Variants in RASSF3 observed in about 807,000 individuals in gnomAD.
RASSF3 encodes ras association domain-containing protein 3.
In RASSF3, 19 loss-of-function variants were observed where a neutral mutation model predicts 19.9. The observed-to-expected ratio is 0.96, with a 90% CI of 0.67 to 1.40. The LOEUF (loss-of-function observed/expected upper bound fraction) is 1.40. RASSF3 is among the 40% of genes most tolerant of loss of function. The pLI is 0.00. For missense variants in RASSF3, 306 were observed against 289.8 expected, an observed-to-expected ratio of 1.06 and a Z score of -0.41; for synonymous variants, 110 against 104.2, an observed-to-expected ratio of 1.06 and a Z score of -0.34.
intron 1 of RASSF3, among the ~76,000 whole-genome samples, chr12:64,541,326 G>T (rs2136114876): frequency 1.3e-5 from 2 of 152,244 alleles, no homozygotes; most frequent in Non-Finnish European, 2.9e-5. Flanking sequence ...GAAAAAAAAT[G>T]TATCGTAGCC....
At chr12:64,563,735 C>T (rs767934420) in intron 2 of RASSF3, among the ~76,000 whole-genome samples, 4 of 152,204 alleles carry the variant, frequency 2.6e-5, no homozygotes, top group Non-Finnish European at 4.4e-5. Context: ...CCCACATCCT[C>T]TCTCAACTGG....
intron 1 of RASSF3, among the ~76,000 whole-genome samples, chr12:64,673,080 A>G (rs1872757138): frequency 6.6e-6 from 1 of 152,096 alleles, no homozygotes; most frequent in South Asian, 2.1e-4. Context: ...TGTCCTTATC[A>G]CTGAGGTTCA....
chr12:64,637,062 A>C (rs1239938495), intron 1 of RASSF3, among the ~76,000 whole-genome samples: 1 of 152,156 alleles, frequency 6.6e-6, no homozygotes, highest in South Asian at 2.1e-4. Context: ...AATATGATGC[A>C]ATTTGCAAAC....
rs111991087 is a variant in RASSF3 at position 64,677,116 on chromosome 12, T to C, written c.112-7671T>C. On this transcript the variant is annotated intron_variant, in intron 1 of 4. Transcript: ENST00000542104. ...TGTTTCACATCGTTTTATGTGGGGT[T>C]TTTCCTTCCTCATTCTTCATTTACA... 3.7e-3 allele frequency among the ~76,000 whole-genome samples: 558 copies of C among 152,198 alleles called. 4 individuals carry two copies. Among genetic ancestry groups the C allele is most frequent in the African/African-American group, 0.013 (527 of 41,526 alleles).
intron 1 of RASSF3, among the ~76,000 whole-genome samples, chr12:64,618,765 A>C (rs1870639806): frequency 6.6e-6 from 1 of 152,218 alleles, no homozygotes; most frequent in East Asian, 1.9e-4. Context: ...ATATTCTGAG[A>C]TAGAAGTGAC....
At chr12:64,588,793 C>T (rs755899001) in intron 2 of RASSF3, among the ~76,000 whole-genome samples, 3 of 151,862 alleles carry the variant, frequency 2.0e-5, no homozygotes, top group East Asian at 1.9e-4. Context: ...AGCATTTCTC[C>T]GTGGTTTTAA....
At chr12:64,576,277 G>C (rs941321349) in intron 2 of RASSF3, among the ~76,000 whole-genome samples, 11 of 152,120 alleles carry the variant, frequency 7.2e-5, no homozygotes, top group African/African-American at 2.4e-4. Context: ...TGACAAACGT[G>C]GTGCCCTTGA....
intron 1 of RASSF3, among the ~76,000 whole-genome samples, chr12:64,661,677 C>CTTTTTTTTTTTTTTTTT (rs71092993): frequency 2.5e-5 from 2 of 79,002 alleles, no homozygotes; most frequent in Non-Finnish European, 4.8e-5. Flanking sequence ...TTTTCTTTTT[C>CTTTTTTTTTTTTTTTTT]TTTTTTTTTT....
Position 64,694,904 on chromosome 12 carries a change from C to G in RASSF3, c.709C>G (p.Pro237Ala). 6.2e-7 allele frequency: 1 copy of G among 1,613,988 alleles called. No homozygotes were observed. Among genetic ancestry groups the G allele is most frequent in the Non-Finnish European group, 8.5e-7 (1 of 1,179,976 alleles). Residue 237 changes from proline (P) to alanine (A), a missense_variant, in exon 5 of 5, where the codon CCT becomes GCT. Transcript: ENST00000542104. ...LEEALREVWK[P>A]D ...AGAAGCCCTCCGTGAGGTGTGGAAGCCTGATTAAAGCGGGGCTCCCTGCCC... is the reference window on the plus strand; with the variant it reads ...AGAAGCCCTCCGTGAGGTGTGGAAGGCTGATTAAAGCGGGGCTCCCTGCCC...
chr12:64,514,929 A>G (rs1350311924), intron 1 of RASSF3, among the ~76,000 whole-genome samples: 1 of 151,604 alleles, frequency 6.6e-6, no homozygotes, highest in Non-Finnish European at 1.5e-5. Context: ...TAGTTATTGT[A>G]TTTTTTTTAA....
intron 1 of RASSF3, among the ~76,000 whole-genome samples, chr12:64,647,797 A>G (rs1565860279): frequency 1.3e-5 from 2 of 152,002 alleles, no homozygotes; most frequent in East Asian, 1.9e-4. Flanking sequence ...CAGTCCTCCC[A>G]TCTCAGCCTC....
intron 2 of RASSF3, among the ~76,000 whole-genome samples, chr12:64,603,742 C>A (rs571731668): frequency 6.6e-6 from 1 of 152,224 alleles, no homozygotes; most frequent in Admixed American, 6.5e-5. Context: ...GATTTTATTA[C>A]CCTCCCTTTC....
downstream of RASSF3, among the ~76,000 whole-genome samples, chr12:64,543,438 C>G (rs1183959127): frequency 1.5e-5 from 1 of 65,568 alleles, no homozygotes; most frequent in African/African-American, 8.1e-5. Context: ...CGCCCGCCCC[C>G]CCCGTGCCCG....
chr12:64,659,964 G>A (rs1322301523), intron 1 of RASSF3, among the ~76,000 whole-genome samples: 1 of 149,266 alleles, frequency 6.7e-6, no homozygotes, highest in Middle Eastern at 3.5e-3. Flanking sequence ...GTGTGTGTGT[G>A]TGTGTGTGTG....
chr12:64,691,739 G>GGGCAGGGGGAT (rs1337721741), intron 4 of RASSF3, among the ~76,000 whole-genome samples, 160 bp downstream of exon 4: 1 of 29,608 alleles, frequency 3.4e-5, no homozygotes, highest in Non-Finnish European at 8.1e-5. Context: ...GGGAGAGGGA[G>GGGCAGGGGGAT]AGGGATTTTG....
At chr12:64,577,247 G>C (rs1261474211) in intron 2 of RASSF3, among the ~76,000 whole-genome samples, 1 of 152,196 alleles carries the variant, frequency 6.6e-6, no homozygotes, top group Non-Finnish European at 1.5e-5. Flanking sequence ...TTCTAGCCCT[G>C]TTGACAGACT....
At chr12:64,662,413 C>T (rs2136199536) in intron 1 of RASSF3, among the ~76,000 whole-genome samples, 1 of 151,740 alleles carries the variant, frequency 6.6e-6, no homozygotes. Context: ...AGATTGAGAC[C>T]CTGTCTCAAA....
At chr12:64,564,971 G>A (rs1416014671) in intron 2 of RASSF3, among the ~76,000 whole-genome samples, 1 of 151,406 alleles carries the variant, frequency 6.6e-6, no homozygotes, top group Non-Finnish European at 1.5e-5. Flanking sequence ...AGTAGAGACA[G>A]GGTTTTACCA....
intron 2 of RASSF3, among the ~76,000 whole-genome samples, chr12:64,562,400 G>A (rs1205396422): frequency 6.6e-6 from 1 of 152,078 alleles, no homozygotes; most frequent in African/African-American, 2.4e-5. Context: ...GGAGACCCAT[G>A]GTAGGCAATT....
Sources: gnomAD v4.1 joint callset for allele counts (sites outside exome capture counted in the v4.1 genomes callset) on GRCh38, gnomAD v4.1.1 for gene constraint, MANE v1.5 for transcripts, NCBI Gene and HGNC (gene_info 2026-07-23, HGNC 2026-07-21) for gene names.